SYNE2: variants seen among roughly 807,000 people sequenced by gnomAD.
SYNE2 encodes the protein nesprin-2.
Under a neutral mutation model 856.3 loss-of-function variants are expected in SYNE2, and 431 were observed. The observed-to-expected ratio is 0.50, with a 90% CI of 0.47 to 0.55. The LOEUF (loss-of-function observed/expected upper bound fraction) is 0.55. Among genes scored for constraint, SYNE2 ranks in the 20% least tolerant of loss-of-function variants. The pLI, the probability that SYNE2 is intolerant of heterozygous loss-of-function variation, is 0.00. For synonymous variants in SYNE2, 2,923 were observed against 2,872.3 expected (o/e 1.02, Z -0.56); for missense variants, 8,129 against 8,023.2 (o/e 1.01, Z -0.50).
intron 93 of SYNE2, 149 bp from the exon 94 acceptor site, chr14:64,170,079 A>T: frequency 1.3e-6 from 1 of 767,220 alleles, no homozygotes; most frequent in Non-Finnish European, 2.2e-6. Context: ...ATCATGTTTA[A>T]ATTGAATAGC....
chr14:64,183,119 C>T (rs1193978068), intron 96 of SYNE2, among the ~76,000 whole-genome samples: 20 of 151,204 alleles, frequency 1.3e-4, no homozygotes, highest in Admixed American at 3.3e-4. Flanking sequence ...ACTTCTCGGA[C>T]GGGGCGGCTG....
At chr14:64,192,073 C>T (rs988648706) in intron 99 of SYNE2, among the ~76,000 whole-genome samples, 12 of 152,052 alleles carry the variant, frequency 7.9e-5, no homozygotes, top group African/African-American at 2.9e-4. Context: ...ACTCTTAGGT[C>T]GTGTGTTTAT....
rs199665519 is a variant in SYNE2 at position 64,052,803 on chromosome 14, C to G, written c.8890C>G (p.Arg2964Gly). Residue 2964 changes from arginine to glycine, a missense_variant, in exon 48 of 116, where the codon CGC (arginine) becomes GGC (glycine). Arg to Gly is a moderately radical substitution (Grantham distance 125). Transcript: ENST00000555002. Reference sequence around the variant, plus strand: ...TCAGGAGGAGGCTGACAGTATACAGCGCAATGAACTATTACTTAATCAAGA... The same window carrying G: ...TCAGGAGGAGGCTGACAGTATACAGGGCAATGAACTATTACTTAATCAAGA... ...ALQEEADSIQ[R>G]NELLLNQEVN... 1 of 1,612,458 alleles carries G rather than the reference C, an allele frequency of 6.2e-7. No individual in the cohort carries two copies. The highest frequency in any genetic ancestry group is 8.5e-7 in the Non-Finnish European group (1 of 1,179,614).
intron 54 of SYNE2, among the ~76,000 whole-genome samples, chr14:64,077,572 G>A (rs1320618170): frequency 6.6e-6 from 1 of 152,066 alleles, no homozygotes; most frequent in Non-Finnish European, 1.5e-5. Context: ...CTGTGTTACA[G>A]TTTCAGCATC....
At chr14:64,146,971 C>T (rs1046321807) in intron 84 of SYNE2, among the ~76,000 whole-genome samples, 23 of 152,320 alleles carry the variant, frequency 1.5e-4, no homozygotes, top group African/African-American at 5.3e-4. Flanking sequence ...GCAGCACCAC[C>T]GTAAGCGGCC....
chr14:64,086,448 G>C (rs2097561920), intron 57 of SYNE2, among the ~76,000 whole-genome samples: 1 of 152,020 alleles, frequency 6.6e-6, no homozygotes, highest in African/African-American at 2.4e-5. Context: ...CTACAACTTT[G>C]TCCTTTTTCA....
chr14:64,225,355 C>T lies in SYNE2; in HGVS notation c.20553C>T (p.Leu6851=), dbSNP rs144405351. The T allele has an allele frequency of 1.9e-5, 31 of 1,614,054 alleles. No homozygotes were observed. Among genetic ancestry groups the T allele is most frequent in the Non-Finnish European group, 2.3e-5 (27 of 1,180,034 alleles). Residue 6851 remains leucine (L), a synonymous_variant, in exon 116 of 116, where the codon CTC becomes CTT. Coordinates refer to ENST00000555002, the MANE Select transcript of SYNE2 (RefSeq NM_182914.3). ...GCACACGGCCACAGCGCTCCTTCCT[C>T]TCAAGGGTGGTCCGGGCAGCCCTAC... ...PGSTRPQRSF[L]SRVVRAALPL... is the part of the protein sequence containing the mutation.
At chr14:63,931,406 C>T (rs1387571563) in intron 2 of SYNE2, among the ~76,000 whole-genome samples, 9 of 151,864 alleles carry the variant, frequency 5.9e-5, no homozygotes, top group African/African-American at 1.4e-4. Context: ...AAAAATTAGC[C>T]GGGCGTGGTG....
At chr14:63,858,078 A>G (rs1892347020) in intron 1 of SYNE2, among the ~76,000 whole-genome samples, 1 of 151,904 alleles carries the variant, frequency 6.6e-6, no homozygotes, top group African/African-American at 2.4e-5. Flanking sequence ...GAGGGTGAGA[A>G]AGAAGCAAAA....
intron 113 of SYNE2, 138 bp from the exon 114 acceptor site, chr14:64,224,323 C>T: frequency 6.0e-6 from 5 of 838,342 alleles, no homozygotes; most frequent in Non-Finnish European, 6.0e-6. Context: ...TGCACTCCAG[C>T]CTGGGTGACA....
At position 63,815,216 on chromosome 14, in the gene SYNE2, CCATATATATATCCAT is replaced by C. The variant is rs1566585287; in HGVS notation, c.-304-37284_-304-37270del. Among the ~76,000 whole-genome samples, 78 of 33,148 alleles carry C rather than the reference CCATATATATATCCAT, an allele frequency of 2.4e-3. 1 individual carries two copies. The highest frequency in any genetic ancestry group is 6.8e-3 in the Admixed American group (24 of 3,536). 21.7% of individuals were successfully genotyped at this position (33,148 alleles called of 152,430 possible). ...TCCATATATATATCCATATATATAT[CCATATATATATCCAT>C]ATATATATGGATATATATATATATA... On this transcript the variant is annotated intron_variant, in intron 1 of 23. Coordinates refer to the SYNE2 transcript ENST00000674003.
intron 97 of SYNE2, 146 bp downstream of exon 97, chr14:64,186,725 G>A (rs2098493259): frequency 3.0e-6 from 3 of 1,000,832 alleles, no homozygotes; most frequent in South Asian, 1.3e-5. Flanking sequence ...TCCTTTAGAA[G>A]GCAGCAACAG....
At chr14:64,223,402 A>C in intron 113 of SYNE2, 22 bp downstream of exon 113, 1 of 1,612,656 alleles carries the variant, frequency 6.2e-7, no homozygotes, top group Non-Finnish European at 8.5e-7. Context: ...TGTAGCTTTT[A>C]ACTGTAAAGA....
In SYNE2 at chr14:64,100,521, AAAAAAAAAAAATAT is replaced by A. The variant is rs1479068887; in HGVS notation, c.12382-1409_12382-1396del. Among the ~76,000 whole-genome samples, 53 of 66,658 alleles carry A rather than the reference AAAAAAAAAAAATAT, an allele frequency of 8.0e-4. 2 individuals carry two copies. Among genetic ancestry groups the A allele is most frequent in the Admixed American group, 6.8e-3 (40 of 5,906 alleles). The allele number at this position is 66,658 out of a possible 152,430, so 43.7% of individuals were successfully genotyped here. ...ACAAGAGCAAAACTGTCTCAAAAAA[AAAAAAAAAAAATAT>A]ATATATATATATATATATATATATA... On this transcript the variant is annotated intron_variant, in intron 63 of 115. Transcript: ENST00000555002.
intron 1 of SYNE2, among the ~76,000 whole-genome samples, chr14:63,793,706 G>T (rs1887817210): frequency 6.6e-6 from 1 of 152,098 alleles, no homozygotes. Context: ...GGAGGCCAGA[G>T]CATGAGGATT....
intron 13 of SYNE2, among the ~76,000 whole-genome samples, chr14:63,978,244 A>G (rs2096559567): frequency 2.0e-5 from 3 of 152,228 alleles, no homozygotes. Context: ...GAAAACATTC[A>G]GAAACTGAGC....
chr14:64,192,101 TGTTGGTTATGTCTAGTGATGAG>T (rs2098521368), intron 99 of SYNE2, among the ~76,000 whole-genome samples: 1 of 152,226 alleles, frequency 6.6e-6, no homozygotes, highest in African/African-American at 2.4e-5. Context: ...AAGATGATTC[TGTTGGTTATGTCTAGTGATGAG>T]AGGTCTTTCC....
chr14:64,140,303 G>A (rs566585921), intron 80 of SYNE2, among the ~76,000 whole-genome samples: 2 of 152,286 alleles, frequency 1.3e-5, no homozygotes, highest in Non-Finnish European at 2.9e-5. Context: ...TAAAACTTGC[G>A]CCAGGTGCAG....
intron 51 of SYNE2, 82 bp from the exon 52 acceptor site, chr14:64,070,563 A>T: frequency 8.3e-7 from 1 of 1,198,432 alleles, no homozygotes; most frequent in Non-Finnish European, 1.2e-6. Context: ...AAGAGAGAGC[A>T]TACAAAAATT....
Sources: allele counts gnomAD v4.1 joint callset (sites outside exome capture counted in the v4.1 genomes callset), GRCh38; gene constraint gnomAD v4.1.1; transcripts MANE v1.5; gene names NCBI Gene and HGNC (gene_info 2026-07-23, HGNC 2026-07-21).